Variants in THSD4 observed in about 807,000 individuals in gnomAD.
The protein encoded by THSD4 is thrombospondin type 1 domain containing 4, also known as thrombospondin type-1 domain-containing protein 4.
Under a neutral mutation model 119.0 loss-of-function variants are expected in THSD4, and 69 were observed. That is an observed-to-expected ratio of 0.58 (90% CI 0.48 to 0.71). THSD4 has a LOEUF of 0.71. Ranked by LOEUF, THSD4 falls within the 30% of genes least tolerant of loss-of-function variation. The pLI, the probability that THSD4 is intolerant of heterozygous loss-of-function variation, is 0.00. For synonymous variants in THSD4, 524 were observed against 540.4 expected, an observed-to-expected ratio of 0.97 and a Z score of 0.42; for missense variants, 1,393 against 1,391.1, an observed-to-expected ratio of 1.00 and a Z score of -0.02.
At chr15:71,557,967 A>G (rs1023090150) in intron 7 of THSD4, among the ~76,000 whole-genome samples, 2 of 151,968 alleles carry the variant, frequency 1.3e-5, no homozygotes, top group Admixed American at 6.6e-5. Flanking sequence ...TTTCTATTCC[A>G]TTCAATTCTG....
chr15:71,740,878 G>A (rs1005433804), intron 11 of THSD4, among the ~76,000 whole-genome samples: 6 of 137,490 alleles, frequency 4.4e-5, no homozygotes, highest in Non-Finnish European at 7.4e-5. Context: ...CAAAGAACAG[G>A]TAGGCATTTC....
At chr15:71,228,619 GCAACAATGTGATGAGCTCTGGGTC>G (rs1428494519) in intron 4 of THSD4, among the ~76,000 whole-genome samples, 1 of 152,202 alleles carries the variant, frequency 6.6e-6, no homozygotes, top group African/African-American at 2.4e-5. Context: ...TGTGCTTACA[GCAACAATGTGATGAGCTCTGGGTC>G]CCAGAGCCAG....
At chr15:71,226,554 A>G (rs1467391013) in intron 4 of THSD4, among the ~76,000 whole-genome samples, 3 of 152,114 alleles carry the variant, frequency 2.0e-5, no homozygotes, top group Non-Finnish European at 2.9e-5. Context: ...CTCCTTTCCC[A>G]TGCTTTGTTG....
intron 6 of THSD4, among the ~76,000 whole-genome samples, chr15:71,402,235 A>G (rs1398621481): frequency 6.6e-6 from 1 of 152,004 alleles, no homozygotes; most frequent in East Asian, 1.9e-4. Flanking sequence ...TAATTAAAAA[A>G]AAAAAGAAAA....
intron 3 of THSD4, among the ~76,000 whole-genome samples, chr15:71,207,287 T>G (rs777278116): frequency 1.9e-4 from 29 of 152,204 alleles, no homozygotes; most frequent in Non-Finnish European, 4.0e-4. Context: ...CCCCATCATG[T>G]TTCATGGAGA....
intron 7 of THSD4, among the ~76,000 whole-genome samples, chr15:71,452,624 T>C (rs1274299468): frequency 1.3e-5 from 2 of 152,018 alleles, no homozygotes; most frequent in Admixed American, 1.3e-4. Context: ...TTATTATTTA[T>C]ATTTTTTTGA....
At chr15:71,264,515 T>G (rs1299056409) in intron 6 of THSD4, among the ~76,000 whole-genome samples, 5 of 152,210 alleles carry the variant, frequency 3.3e-5, no homozygotes, top group Non-Finnish European at 7.3e-5. Flanking sequence ...ATGATGATTT[T>G]GGTTTTGTAT....
chr15:71,744,835 A>G (rs553785631), intron 11 of THSD4, among the ~76,000 whole-genome samples: 1 of 152,272 alleles, frequency 6.6e-6, no homozygotes, highest in East Asian at 1.9e-4. Context: ...TCTGCCTTTG[A>G]GCATATTTAG....
At chr15:71,379,450 C>CGTTTTTTT (rs1566962165) in intron 6 of THSD4, among the ~76,000 whole-genome samples, 1 of 77,562 alleles carries the variant, frequency 1.3e-5, no homozygotes, top group Non-Finnish European at 2.4e-5. Context: ...CAAATGGCTT[C>CGTTTTTTT]TTTTTTTTTT....
intron 12 of THSD4, 127 bp from the exon 13 acceptor site, chr15:71,746,711 C>T: frequency 9.5e-7 from 1 of 1,053,742 alleles, no homozygotes; most frequent in Non-Finnish European, 1.4e-6. Flanking sequence ...GACTTTCAAG[C>T]AATGCTCTAG....
Position 71,600,470 on chromosome 15 carries a change from A to C in THSD4, c.1153-60060A>C, listed in dbSNP as rs369482630. Among the ~76,000 whole-genome samples the C allele has an allele frequency of 3.9e-5, 6 of 152,226 alleles. No homozygotes were observed. In the East Asian group the frequency reaches 1.2e-3, roughly 29 times the overall value. ...GTGTCTGAATCATCATAAGCCCCAC[A>C]GTACCTGGTATAATGCCTTACACAT... On this transcript the variant is annotated intron_variant, in intron 7 of 17. Transcript: ENST00000261862.
chr15:71,557,550 T>A (rs2049040083), intron 7 of THSD4, among the ~76,000 whole-genome samples: 1 of 152,118 alleles, frequency 6.6e-6, no homozygotes, highest in African/African-American at 2.4e-5. Context: ...TAATATAAAA[T>A]TATTGTAATT....
At chr15:71,609,876 GA>G (rs2050191368) in intron 7 of THSD4, among the ~76,000 whole-genome samples, 3 of 147,674 alleles carry the variant, frequency 2.0e-5, no homozygotes, top group Non-Finnish European at 4.5e-5. Context: ...AAGAAAAAAA[GA>G]AAAAGAAACA....
At chr15:71,433,937 T>G (rs1417815374) in intron 7 of THSD4, among the ~76,000 whole-genome samples, 2 of 152,126 alleles carry the variant, frequency 1.3e-5, no homozygotes, top group Non-Finnish European at 2.9e-5. Flanking sequence ...GGAACCCCAT[T>G]AGCCGGCCCT....
chr15:71,468,350 G>A (rs2140633576), intron 7 of THSD4, among the ~76,000 whole-genome samples: 1 of 152,326 alleles, frequency 6.6e-6, no homozygotes, highest in East Asian at 1.9e-4. Context: ...CATGAGAACA[G>A]AATCATACAG....
chr15:71,442,297 A>C (rs985863049), intron 7 of THSD4, among the ~76,000 whole-genome samples: 1 of 149,892 alleles, frequency 6.7e-6, no homozygotes, highest in African/African-American at 2.4e-5. Flanking sequence ...GGCCGAGTGC[A>C]GTGGCTCCCA....
chr15:71,491,932 T>C (rs2047926096), intron 7 of THSD4, among the ~76,000 whole-genome samples: 1 of 152,220 alleles, frequency 6.6e-6, no homozygotes, highest in South Asian at 2.1e-4. Context: ...CCTCAGATAT[T>C]CTGATATAGC....
At chr15:71,122,698 A>T (rs2040418362) in intron 1 of THSD4, among the ~76,000 whole-genome samples, 1 of 152,188 alleles carries the variant, frequency 6.6e-6, no homozygotes, top group African/African-American at 2.4e-5. Flanking sequence ...TTTAAAGCAC[A>T]ATGATGCTTT....
intron 4 of THSD4, among the ~76,000 whole-genome samples, chr15:71,216,357 G>A (rs1270450250): frequency 3.9e-5 from 6 of 152,216 alleles, no homozygotes; most frequent in African/African-American, 1.2e-4. Flanking sequence ...TTCAGCATCA[G>A]TCTCCATGGC....
Sources: gnomAD v4.1 joint callset for allele counts (sites outside exome capture counted in the v4.1 genomes callset) on GRCh38, gnomAD v4.1.1 for gene constraint, MANE v1.5 for transcripts, NCBI Gene and HGNC (gene_info 2026-07-23, HGNC 2026-07-21) for gene names.